The following CNTN5 variants were observed in gnomAD, a reference collection of about 807,000 sequenced individuals.
The protein encoded by CNTN5 is contactin 5.
CNTN5 carries 77 observed loss-of-function variants against 129.1 expected under a neutral mutation model. The observed-to-expected ratio is 0.60, with a 90% CI of 0.50 to 0.72. The LOEUF is 0.72. Ranked by LOEUF, CNTN5 falls within the 30% of genes least tolerant of loss-of-function variation. The pLI is 0.00. For synonymous variants in CNTN5, 509 were observed against 465.6 expected (o/e 1.09, Z -1.20); for missense variants, 1,478 against 1,328.8 (o/e 1.11, Z -1.75).
At chr11:99,272,697 A>G (rs1863232470) in intron 1 of CNTN5, among the ~76,000 whole-genome samples, 1 of 151,890 alleles carries the variant, frequency 6.6e-6, no homozygotes. Context: ...TGATACTTAC[A>G]TTAAACAAAG....
At chr11:99,246,123 A>G (rs1012395092) in intron 1 of CNTN5, among the ~76,000 whole-genome samples, 1 of 152,192 alleles carries the variant, frequency 6.6e-6, no homozygotes, top group East Asian at 1.9e-4. Context: ...ACTTTATTTT[A>G]CTTATTATGA....
chr11:99,235,210 G>A (rs902460097), intron 1 of CNTN5, among the ~76,000 whole-genome samples: 3 of 151,822 alleles, frequency 2.0e-5, no homozygotes, highest in African/African-American at 7.3e-5. Flanking sequence ...GCTGAAGATA[G>A]CACATAACAA....
At chr11:99,026,256 T>C (rs913369787) in intron 1 of CNTN5, among the ~76,000 whole-genome samples, 9 of 151,638 alleles carry the variant, frequency 5.9e-5, no homozygotes, top group African/African-American at 1.9e-4. Flanking sequence ...CTGTTAGGTA[T>C]TGTATTTTGC....
At chr11:99,092,498 T>G (rs1365947739) in intron 1 of CNTN5, among the ~76,000 whole-genome samples, 1 of 152,022 alleles carries the variant, frequency 6.6e-6, no homozygotes, top group Non-Finnish European at 1.5e-5. Context: ...TCAATTGCAC[T>G]TATAAAAAAC....
intron 1 of CNTN5, among the ~76,000 whole-genome samples, chr11:99,314,609 A>T (rs1865259242): frequency 6.6e-6 from 1 of 152,064 alleles, no homozygotes; most frequent in Non-Finnish European, 1.5e-5. Flanking sequence ...AAATGCAAGC[A>T]GTTGATTGTC....
chr11:99,229,420 T>A (rs189106854), intron 1 of CNTN5, among the ~76,000 whole-genome samples: 9 of 152,032 alleles, frequency 5.9e-5, no homozygotes, highest in South Asian at 4.1e-4. Context: ...CTTTTTTTAT[T>A]GCCTTACTTA....
chr11:99,526,017 G>GTA (rs1441851851), intron 2 of CNTN5, among the ~76,000 whole-genome samples: 1 of 152,128 alleles, frequency 6.6e-6, no homozygotes, highest in East Asian at 1.9e-4. Context: ...TTTTATATAT[G>GTA]TAATAATTTT....
intron 16 of CNTN5, among the ~76,000 whole-genome samples, chr11:100,247,442 T>G (rs1452019406): frequency 1.3e-5 from 2 of 152,240 alleles, no homozygotes; most frequent in East Asian, 3.9e-4. Flanking sequence ...CTGAAAACAG[T>G]AGGAAGAGGT....
At chr11:99,503,830 T>A (rs1946514886) in intron 2 of CNTN5, among the ~76,000 whole-genome samples, 2 of 152,176 alleles carry the variant, frequency 1.3e-5, no homozygotes, top group South Asian at 4.1e-4. Flanking sequence ...CTCCTTTCTG[T>A]TAAACTACTT....
At chr11:99,690,437 T>C (rs927351377) in intron 3 of CNTN5, among the ~76,000 whole-genome samples, 27 of 152,160 alleles carry the variant, frequency 1.8e-4, no homozygotes, top group Admixed American at 6.5e-4. Flanking sequence ...CATGGCTATC[T>C]GGCTATTCGG....
chr11:100,023,108 T>C (rs1472688600), intron 9 of CNTN5, among the ~76,000 whole-genome samples: 1 of 152,148 alleles, frequency 6.6e-6, no homozygotes, highest in Non-Finnish European at 1.5e-5. Context: ...TCCTTTTAAT[T>C]TGGAAGCTAC....
At chr11:99,525,568 T>C (rs1047304084) in intron 2 of CNTN5, among the ~76,000 whole-genome samples, 1 of 152,206 alleles carries the variant, frequency 6.6e-6, no homozygotes, top group African/African-American at 2.4e-5. Flanking sequence ...ATGGACTTGT[T>C]TGGCAAATGA....
At chr11:100,304,946 T>C (rs998536667) in intron 20 of CNTN5, among the ~76,000 whole-genome samples, 2 of 151,402 alleles carry the variant, frequency 1.3e-5, no homozygotes, top group African/African-American at 4.8e-5. Context: ...TTTCGAGTTA[T>C]CCCCACATCT....
chr11:99,164,161 A>G lies in CNTN5; in HGVS notation c.-210+142891A>G, dbSNP rs143709732. Among the ~76,000 whole-genome samples the G allele has an allele frequency of 1.8e-3, 270 of 152,100 alleles. 4 individuals carry two copies. Among genetic ancestry groups the G allele is most frequent in the African/African-American group, 6.1e-3 (255 of 41,516 alleles). ...GCCAACATGGTGAAACCCTGTCTCT[A>G]CTAAAAATACAAAAATTAACAGGGC... On this transcript the variant is annotated intron_variant, in intron 1 of 24. Coordinates refer to ENST00000524871, the MANE Select transcript of CNTN5 (RefSeq NM_014361.4).
chr11:99,656,050 G>C (rs1952351307), intron 3 of CNTN5, among the ~76,000 whole-genome samples: 1 of 151,380 alleles, frequency 6.6e-6, no homozygotes, highest in East Asian at 1.9e-4. Flanking sequence ...GTGTATATAG[G>C]TATAAGTGTG....
chr11:99,817,117 C>T (rs1145399), intron 3 of CNTN5, among the ~76,000 whole-genome samples: 48,121 of 151,918 alleles, frequency 0.32, 8,029 homozygotes, highest in Middle Eastern at 0.42. Flanking sequence ...TGCCTTTTTT[C>T]CCCACTAGAT....
intron 15 of CNTN5, among the ~76,000 whole-genome samples, chr11:100,194,564 T>C (rs1437570905): frequency 6.6e-6 from 1 of 150,804 alleles, no homozygotes; most frequent in Non-Finnish European, 1.5e-5. Flanking sequence ...TTAAACTCAG[T>C]GTCAATTGGA....
intron 13 of CNTN5, among the ~76,000 whole-genome samples, chr11:100,163,064 C>T (rs1457898429): frequency 6.6e-6 from 1 of 151,634 alleles, no homozygotes; most frequent in Non-Finnish European, 1.5e-5. Context: ...TTTAAAACAA[C>T]ATTATTTTTA....
intron 1 of CNTN5, among the ~76,000 whole-genome samples, chr11:99,159,017 T>C (rs1860466262): frequency 6.6e-6 from 1 of 152,196 alleles, no homozygotes; most frequent in East Asian, 1.9e-4. Context: ...GAATCTGTTA[T>C]GCAAGATTAC....
Sources: allele counts gnomAD v4.1 joint callset (sites outside exome capture counted in the v4.1 genomes callset), GRCh38; gene constraint gnomAD v4.1.1; transcripts MANE v1.5; gene names NCBI Gene and HGNC (gene_info 2026-07-23, HGNC 2026-07-21).